Variants in DCDC1 observed in about 807,000 individuals in gnomAD.
DCDC1 encodes doublecortin domain-containing protein 1.
Under a neutral mutation model 178.3 loss-of-function variants are expected in DCDC1, and 200 were observed. That is an observed-to-expected ratio of 1.12 (90% CI 1.00 to 1.26). DCDC1 has a LOEUF of 1.26. DCDC1 is among the 50% of genes most tolerant of loss of function. The pLI is 0.00. For missense variants in DCDC1, 1,983 were observed against 1,749.2 expected, an observed-to-expected ratio of 1.13 and a Z score of -2.38; for synonymous variants, 690 against 604.8, an observed-to-expected ratio of 1.14 and a Z score of -2.07.
intron 37 of DCDC1, 50 bp downstream of exon 37, chr11:30,881,108 A>G: frequency 6.3e-7 from 1 of 1,597,664 alleles, no homozygotes; most frequent in Non-Finnish European, 8.5e-7. Context: ...GAGAAGATTG[A>G]ATGCTTTAAT....
At chr11:31,247,457 T>C (rs762240440) in intron 8 of DCDC1, among the ~76,000 whole-genome samples, 6 of 151,800 alleles carry the variant, frequency 4.0e-5, no homozygotes, top group Non-Finnish European at 7.4e-5. Context: ...TATGGAGTAA[T>C]GGGTTCATCA....
At chr11:31,173,759 A>ACAC (rs1565383953) in intron 9 of DCDC1, among the ~76,000 whole-genome samples, 4 of 130,412 alleles carry the variant, frequency 3.1e-5, no homozygotes, top group Non-Finnish European at 5.3e-5. Context: ...CACACACACA[A>ACAC]ACACACACAC....
intron 29 of DCDC1, among the ~76,000 whole-genome samples, chr11:30,907,617 A>G (rs1446937263): frequency 2.0e-5 from 3 of 152,076 alleles, no homozygotes; most frequent in Non-Finnish European, 4.4e-5. Flanking sequence ...TCGAGAAGAC[A>G]TGTAGTTGAA....
At chr11:31,034,989 C>A (rs1253215873) in intron 20 of DCDC1, among the ~76,000 whole-genome samples, 4 of 152,130 alleles carry the variant, frequency 2.6e-5, no homozygotes, top group Admixed American at 2.0e-4. Context: ...TAGGTCCAGG[C>A]AAAAGTGCCC....
At chr11:31,310,097 C>T (rs987506436) in intron 3 of DCDC1, among the ~76,000 whole-genome samples, 17 of 151,896 alleles carry the variant, frequency 1.1e-4, no homozygotes, top group Non-Finnish European at 1.9e-4. Flanking sequence ...TATAGATTTA[C>T]CCAGTGAATG....
Position 31,110,752 on chromosome 11 carries a change from T to C in DCDC1, c.1486-391A>G, listed in dbSNP as rs1369139521. Among the ~76,000 whole-genome samples, 8 of 152,296 alleles carry C rather than the reference T, an allele frequency of 5.3e-5. No individual in the cohort carries two copies. The East Asian group carries it at 1.5e-3, about 29-fold the overall frequency. ...CAATAGCAACCTAACTAGCTCATTT[T>C]GTTCTTCATAAAGCCACAAATAAGG... On this transcript the variant is annotated intron_variant, in intron 11 of 38. Transcript: ENST00000684477.
intron 9 of DCDC1, among the ~76,000 whole-genome samples, chr11:31,217,591 A>T (rs1316573029): frequency 6.6e-6 from 1 of 152,102 alleles, no homozygotes; most frequent in Non-Finnish European, 1.5e-5. Context: ...CTACAGAAAA[A>T]CTATGTACTT....
chr11:30,888,082 G>C (rs10835718), intron 36 of DCDC1, among the ~76,000 whole-genome samples: 2 of 96,346 alleles, frequency 2.1e-5, no homozygotes, highest in South Asian at 3.8e-4. Flanking sequence ...GAGAGAGAGA[G>C]AGAAAGAAAG....
At chr11:31,351,834 C>T (rs755350329) in intron 1 of DCDC1, among the ~76,000 whole-genome samples, 9 of 152,142 alleles carry the variant, frequency 5.9e-5, no homozygotes, top group Middle Eastern at 3.2e-3. Context: ...GGAACTACTA[C>T]TTGAGTAAAC....
chr11:31,072,819 C>G (rs768280259), intron 18 of DCDC1, among the ~76,000 whole-genome samples: 1 of 151,946 alleles, frequency 6.6e-6, no homozygotes, highest in Non-Finnish European at 1.5e-5. Context: ...CTGTTAAAGG[C>G]CAGGATCTGT....
chr11:30,880,216 G>T (rs1942529287), intron 37 of DCDC1, among the ~76,000 whole-genome samples: 1 of 152,078 alleles, frequency 6.6e-6, no homozygotes, highest in Non-Finnish European at 1.5e-5. Context: ...AGTGATGGGT[G>T]ATGGGAACAG....
intron 36 of DCDC1, among the ~76,000 whole-genome samples, chr11:30,888,118 GAAAGAAA>G (rs1943425680): frequency 7.5e-6 from 1 of 133,488 alleles, no homozygotes; most frequent in Non-Finnish European, 1.6e-5. Flanking sequence ...AAGAAAGAAA[GAAAGAAA>G]GAAAGAAAGA....
intron 6 of DCDC1, among the ~76,000 whole-genome samples, chr11:31,296,721 T>C (rs1446577344): frequency 6.6e-6 from 1 of 152,162 alleles, no homozygotes; most frequent in Non-Finnish European, 1.5e-5. Context: ...CTTAGAATCA[T>C]GGTGGAAGGA....
chr11:30,899,631 C>T lies in DCDC1; in HGVS notation c.4675G>A (p.Ala1559Thr). ...CAGTTCTGTTTCTCTAATTTTTCTG[C>T]TTTCTGCAAAGCTAGAATAATAAAA... ...PFLPPNALQKAEKLEKQNWLK... is the reference protein window; with the variant it reads ...PFLPPNALQKTEKLEKQNWLK... Residue 1559 changes from alanine (A) to threonine (T), a missense_variant, in exon 34 of 39, where the codon GCA becomes ACA. Coordinates refer to ENST00000684477, the MANE Select transcript of DCDC1 (RefSeq NM_001387274.1). The T allele has an allele frequency of 6.4e-7, 1 of 1,559,662 alleles. No homozygotes were observed. Among genetic ancestry groups the T allele is most frequent in the Non-Finnish European group, 8.7e-7 (1 of 1,151,916 alleles).
intron 38 of DCDC1, among the ~76,000 whole-genome samples, chr11:30,876,931 TA>T (rs796105221): frequency 2.7e-4 from 39 of 145,554 alleles, no homozygotes; most frequent in South Asian, 4.4e-4. Context: ...CTTTCTTGCT[TA>T]AAAAAAAAAA....
At position 31,168,987 on chromosome 11, in the gene DCDC1, T is replaced by C. The variant is rs370158749; in HGVS notation, c.1222-31203A>G. Reference sequence around the variant, plus strand: ...AGCAAAGAGATGGAACCAACCTAAATTCCCATCAATGATAGATTGGATAAA... The same window carrying C: ...AGCAAAGAGATGGAACCAACCTAAACTCCCATCAATGATAGATTGGATAAA... On this transcript the variant is annotated intron_variant, in intron 9 of 38. Coordinates refer to ENST00000684477, the MANE Select transcript of DCDC1 (RefSeq NM_001387274.1). 6.6e-5 allele frequency among the ~76,000 whole-genome samples: 10 copies of C among 152,270 alleles called. No individual in the cohort carries two copies. In the East Asian group the frequency reaches 1.4e-3, roughly 21 times the overall value.
At chr11:31,231,259 T>C (rs1268949549) in intron 9 of DCDC1, among the ~76,000 whole-genome samples, 1 of 152,084 alleles carries the variant, frequency 6.6e-6, no homozygotes, top group Non-Finnish European at 1.5e-5. Context: ...ACATCCTTCC[T>C]TTTTCTCCTC....
intron 7 of DCDC1, among the ~76,000 whole-genome samples, chr11:31,273,989 C>T (rs1945786293): frequency 6.6e-6 from 1 of 152,120 alleles, no homozygotes; most frequent in African/African-American, 2.4e-5. Flanking sequence ...AAGACCCATC[C>T]CCATGACTCA....
intron 20 of DCDC1, among the ~76,000 whole-genome samples, chr11:31,059,686 G>T (rs1326880511): frequency 6.6e-6 from 1 of 151,964 alleles, no homozygotes; most frequent in Non-Finnish European, 1.5e-5. Flanking sequence ...CCTGACTATT[G>T]TCAAAACTGA....
Sources: allele counts gnomAD v4.1 joint callset (sites outside exome capture counted in the v4.1 genomes callset), GRCh38; gene constraint gnomAD v4.1.1; transcripts MANE v1.5; gene names NCBI Gene and HGNC (gene_info 2026-07-23, HGNC 2026-07-21).